Variants in ADGRG6 observed in about 807,000 individuals in gnomAD.
The protein encoded by ADGRG6 is adhesion G protein-coupled receptor G6.
In ADGRG6, 84 loss-of-function variants were observed where a neutral mutation model predicts 142.4. That is an observed-to-expected ratio of 0.59 (90% CI 0.49 to 0.71). The LOEUF is 0.71. Among genes scored for constraint, ADGRG6 ranks in the 30% least tolerant of loss-of-function variants. ADGRG6 has a pLI of 0.00. For synonymous variants in ADGRG6, 521 were observed against 520.5 expected (o/e 1.00, Z -0.01); for missense variants, 1,367 against 1,466.6 (o/e 0.93, Z 1.11).
intron 22 of ADGRG6, among the ~76,000 whole-genome samples, chr6:142,423,899 T>C (rs1369294310): frequency 8.0e-6 from 1 of 124,544 alleles, no homozygotes; most frequent in Non-Finnish European, 1.7e-5. Flanking sequence ...CCTTGTAAGT[T>C]GGATTCCTAG....
intron 2 of ADGRG6, among the ~76,000 whole-genome samples, chr6:142,346,535 A>G (rs530878003): frequency 2.8e-4 from 43 of 152,072 alleles, no homozygotes; most frequent in Non-Finnish European, 5.7e-4. Context: ...GTATATACCC[A>G]AAGGATTATA....
chr6:142,322,456 T>G (rs568671723), intron 2 of ADGRG6, among the ~76,000 whole-genome samples: 1 of 152,164 alleles, frequency 6.6e-6, no homozygotes, highest in African/African-American at 2.4e-5. Context: ...TGCAAAGATA[T>G]AAACTTCGCT....
At position 142,417,301 on chromosome 6, in the gene ADGRG6, T is replaced by G. The variant is rs1448357647; in HGVS notation, c.2967T>G (p.Val989=). 1 of 1,604,072 alleles carries G rather than the reference T, an allele frequency of 6.2e-7. No individual in the cohort carries two copies. The highest frequency in any genetic ancestry group is 8.5e-7 in the Non-Finnish European group (1 of 1,172,344). Residue 989 remains valine, a synonymous_variant, in exon 21 of 25, where the codon GTT becomes GTG. Coordinates refer to ENST00000367609, the MANE Select transcript of ADGRG6 (RefSeq NM_198569.3). Reference sequence around the variant, plus strand: ...TGCCTGCCTTAGTGGTGTCAGTTGTTCTAGCGAGCAGAAACAACAATGAAG... The same window carrying G: ...TGCCTGCCTTAGTGGTGTCAGTTGTGCTAGCGAGCAGAAACAACAATGAAG... ...WGLPALVVSV[V]LASRNNNEVY...
intron 21 of ADGRG6, among the ~76,000 whole-genome samples, chr6:142,418,702 A>G (rs111998538): frequency 0.014 from 2,189 of 152,304 alleles, 45 homozygotes; most frequent in African/African-American, 0.049. Flanking sequence ...GTTAGTTTCT[A>G]GAATTCAAAG....
chr6:142,391,470 C>G (rs906539259), intron 7 of ADGRG6, among the ~76,000 whole-genome samples: 5 of 149,732 alleles, frequency 3.3e-5, no homozygotes, highest in Non-Finnish European at 5.9e-5. Context: ...CACACACACA[C>G]ACACACACAG....
At chr6:142,355,391 A>G (rs1371150305) in intron 2 of ADGRG6, among the ~76,000 whole-genome samples, 2 of 152,140 alleles carry the variant, frequency 1.3e-5, no homozygotes, top group African/African-American at 4.8e-5. Flanking sequence ...TTTCCATAGA[A>G]CATCCCTACT....
In ADGRG6 at chr6:142,390,302, C is replaced by T. The variant is rs756610632; in HGVS notation, c.1267C>T (p.Arg423Cys). Residue 423 changes from arginine (R) to cysteine (C), a missense_variant, in exon 7 of 25, where the codon CGT (arginine) becomes TGT (cysteine). Transcript: ENST00000367609. ...ATCCGTAGTGATTCAGAACATCCTT[C>T]GTCACCCTGAGGTAAAAGTACAGAG... is the stretch of plus-strand genomic sequence containing the variant. ...RISVVIQNIL[R>C]HPEVKVQSKV... is the part of the protein sequence containing the mutation. 6.2e-6 allele frequency: 10 copies of T among 1,600,904 alleles called. No homozygotes were observed. The highest frequency in any genetic ancestry group is 2.2e-5 in the East Asian group (1 of 44,538).
intron 2 of ADGRG6, among the ~76,000 whole-genome samples, chr6:142,318,977 A>G (rs569089988): frequency 1.1e-4 from 17 of 152,222 alleles, no homozygotes; most frequent in Middle Eastern, 3.4e-3. Flanking sequence ...GATTTGTGCA[A>G]TTGCAGATGA....
At position 142,395,073 on chromosome 6, in the gene ADGRG6, C is replaced by CT. The variant is rs571121972; in HGVS notation, c.1424+1124dup. Among the ~76,000 whole-genome samples the CT allele has an allele frequency of 3.0e-4, 46 of 150,958 alleles. No homozygotes were observed. In the South Asian group the frequency reaches 4.6e-3, roughly 15 times the overall value. On this transcript the variant is annotated intron_variant, in intron 9 of 24. Transcript: ENST00000367609. ...TTTCATATGAGAATTGACCAGAGAG[C>CT]TTTTTTTTTCTTTTCAACACTAGAA...
rs552221555 is a variant in ADGRG6, at chr6:142,403,959, G to A, written c.2113G>A (p.Glu705Lys). Residue 705 changes from glutamate to lysine, a missense_variant, in exon 14 of 25, where the codon GAA becomes AAA. Coordinates refer to ENST00000367609, the MANE Select transcript of ADGRG6 (RefSeq NM_198569.3). ...TAGCATTGGTCTTCCAAGCAATAATGAATCGTATTTCCAGGTAATGAGCCA... is the reference window on the plus strand; with the variant it reads ...TAGCATTGGTCTTCCAAGCAATAATAAATCGTATTTCCAGGTAATGAGCCA... Reference protein sequence around the residue: ...NFSIGLPSNNESYFQMDFESG... With the variant: ...NFSIGLPSNNKSYFQMDFESG... 1 of 1,607,828 alleles carries A rather than the reference G, an allele frequency of 6.2e-7. No homozygotes were observed. The highest frequency in any genetic ancestry group is 1.1e-5 in the South Asian group (1 of 90,412).
intron 6 of ADGRG6, among the ~76,000 whole-genome samples, chr6:142,384,445 T>C (rs1781929597): frequency 6.6e-6 from 1 of 152,172 alleles, no homozygotes; most frequent in Non-Finnish European, 1.5e-5. Flanking sequence ...TATACTTTTC[T>C]ATTATTTATA....
chr6:142,307,222 T>A (rs974870733), intron 1 of ADGRG6, among the ~76,000 whole-genome samples: 1 of 152,132 alleles, frequency 6.6e-6, no homozygotes, highest in African/African-American at 2.4e-5. Flanking sequence ...ATAATTGTCG[T>A]ATGTCAAAGA....
At chr6:142,356,279 C>CA (rs1021079993) in intron 2 of ADGRG6, among the ~76,000 whole-genome samples, 5 of 152,172 alleles carry the variant, frequency 3.3e-5, no homozygotes, top group African/African-American at 1.2e-4. Context: ...TAAATCTTCA[C>CA]AATCTGTCAA....
chr6:142,378,430 T>C (rs538313233), intron 4 of ADGRG6, among the ~76,000 whole-genome samples: 2 of 152,282 alleles, frequency 1.3e-5, no homozygotes, highest in South Asian at 2.1e-4. Context: ...CTCTGAACTT[T>C]AAAGGCTTTT....
At chr6:142,378,647 C>G (rs1781608713) in intron 4 of ADGRG6, among the ~76,000 whole-genome samples, 1 of 152,100 alleles carries the variant, frequency 6.6e-6, no homozygotes, top group Admixed American at 6.5e-5. Context: ...TTAAAACTCC[C>G]CCTTCCTCTC....
chr6:142,371,456 C>T (rs1030616533), intron 4 of ADGRG6, among the ~76,000 whole-genome samples: 1 of 149,454 alleles, frequency 6.7e-6, no homozygotes, highest in Non-Finnish European at 1.5e-5. Context: ...TGTGAGCCAC[C>T]CTGCCTGGCC....
chr6:142,353,501 T>C (rs551052782), intron 2 of ADGRG6, among the ~76,000 whole-genome samples: 5 of 152,294 alleles, frequency 3.3e-5, no homozygotes, highest in African/African-American at 1.2e-4. Flanking sequence ...TTAAAAAGTT[T>C]CTTTTTTTAA....
chr6:142,399,226 A>AC (rs1263205035), intron 10 of ADGRG6, among the ~76,000 whole-genome samples: 3 of 152,190 alleles, frequency 2.0e-5, no homozygotes, highest in Non-Finnish European at 4.4e-5. Flanking sequence ...GGCGATTGCG[A>AC]CCAAGGCCAT....
intron 18 of ADGRG6, among the ~76,000 whole-genome samples, chr6:142,413,156 TTC>T (rs781145707): frequency 4.6e-5 from 7 of 152,056 alleles, no homozygotes; most frequent in Non-Finnish European, 1.0e-4. Context: ...TTTGGTGATG[TTC>T]TCTTATCTTT....
Sources: gnomAD v4.1 joint callset for allele counts (sites outside exome capture counted in the v4.1 genomes callset) on GRCh38, gnomAD v4.1.1 for gene constraint, MANE v1.5 for transcripts, NCBI Gene and HGNC (gene_info 2026-07-23, HGNC 2026-07-21) for gene names.